Variants in DDX39B observed in about 807,000 individuals in gnomAD.
DDX39B encodes the protein spliceosome RNA helicase DDX39B.
In DDX39B, 6 loss-of-function variants were observed where a neutral mutation model predicts 46.4. That is an observed-to-expected ratio of 0.13 (90% CI 0.07 to 0.26). The LOEUF (loss-of-function observed/expected upper bound fraction) is 0.26, where lower values mean the gene tolerates loss of function less well. Among genes scored for constraint, DDX39B ranks in the 10% least tolerant of loss-of-function variants. DDX39B has a pLI of 1.00. For synonymous variants in DDX39B, 174 were observed against 199.4 expected, an observed-to-expected ratio of 0.87 and a Z score of 1.07; for missense variants, 185 against 553.4, an observed-to-expected ratio of 0.33 and a Z score of 6.68.
In DDX39B at chr6:31,532,641, C is replaced by T. The variant is rs3210766; in HGVS notation, c.867+139G>A. 7.2e-6 allele frequency: 8 copies of T among 1,118,388 alleles called. No individual in the cohort carries two copies. In the African/African-American group the frequency reaches 9.4e-5, roughly 13 times the overall value. The allele number at this position is 1,118,388 out of a possible 1,614,324, so 69.3% of individuals were successfully genotyped here. A position where few individuals can be genotyped will look rare whatever the true frequency, so the allele number is the denominator to read the frequency against. On this transcript the variant is annotated intron_variant, in intron 7 of 10. Transcript: ENST00000396172. ...CAGCTCCCACCTTACTCATGCTCAG[C>T]CCCTAAGATATTTATACCCTCATTA...
Position 31,534,827 on chromosome 6 carries a change from G to A in DDX39B, c.735+540C>T. 1 of 275,340 alleles carries A rather than the reference G, an allele frequency of 3.6e-6. No individual in the cohort carries two copies. Among genetic ancestry groups the A allele is most frequent in the Non-Finnish European group, 7.2e-6 (1 of 137,996 alleles). The allele number at this position is 275,340 out of a possible 1,614,324, so 17.1% of individuals were successfully genotyped here. Reference sequence around the variant, plus strand: ...GTGGGTGGGAAGGAGTAGGGTATCGGGGATTGAGGTGCCAAAGGCCCCCAC... The same window carrying A: ...GTGGGTGGGAAGGAGTAGGGTATCGAGGATTGAGGTGCCAAAGGCCCCCAC... On this transcript the variant is annotated intron_variant, in intron 6 of 10. Coordinates refer to ENST00000396172, the MANE Select transcript of DDX39B (RefSeq NM_004640.7). The surrounding 1 kb of genome is among the most constrained non-coding windows in gnomAD (Gnocchi z 5.1).
intron 2 of DDX39B, among the ~76,000 whole-genome samples, 193 bp downstream of exon 2, chr6:31,540,129 C>T (rs1460946673): frequency 2.0e-5 from 3 of 152,184 alleles, no homozygotes; most frequent in Admixed American, 6.5e-5. Flanking sequence ...TTCTCTTGCA[C>T]TTTTGAGCTC....
Position 31,534,863 on chromosome 6 carries a change from G to A in DDX39B, c.735+504C>T, listed in dbSNP as rs377398820. On this transcript the variant is annotated intron_variant, in intron 6 of 10. Coordinates refer to ENST00000396172, the MANE Select transcript of DDX39B (RefSeq NM_004640.7). This position sits in a 1 kb window ranked among gnomAD's most constrained non-coding sequence, Gnocchi z 5.1. Reference sequence around the variant, plus strand: ...GCCAAAGGCCCCCACCCCTGGAGGTGGGGAAGGGGAGGATTCATTTGTGCT... The same window carrying A: ...GCCAAAGGCCCCCACCCCTGGAGGTAGGGAAGGGGAGGATTCATTTGTGCT... The A allele has an allele frequency of 1.6e-4, 42 of 265,114 alleles. 1 individual carries two copies. The East Asian group carries it at 3.0e-3, about 19-fold the overall frequency. 16.4% of individuals were successfully genotyped at this position (265,114 alleles called of 1,614,324 possible).
At chr6:31,536,796 A>T (rs1212940354) in intron 4 of DDX39B, 113 bp from the exon 5 acceptor site, 1 of 1,379,250 alleles carries the variant, frequency 7.3e-7, no homozygotes, top group Non-Finnish European at 9.7e-7. Context: ...CCAAACTAAA[A>T]CTAACTTTAG....
rs1129640 is a variant in DDX39B at position 31,538,847 on chromosome 6, T to C, written c.348A>G (p.Val116=). 0.83 allele frequency: 1,336,218 copies of C among 1,613,368 alleles called. 555,011 individuals are homozygous for C. Among genetic ancestry groups the C allele is most frequent in the South Asian group, 0.93 (84,332 of 91,074 alleles). ...QLEPVTGQVS[V]LVMCHTRELA... is the part of the protein sequence containing the mutation. ...ACTCCCGAGTGTGACACATCACCAG[T>C]ACAGACACCTTAGGCAGGAAGTAGA... Residue 116 remains valine (V), a synonymous_variant, in exon 4 of 11, where the codon GTA becomes GTG. Transcript: ENST00000396172.
intron 1 of DDX39B, chr6:31,541,158 G>A: frequency 1.9e-6 from 1 of 533,618 alleles, no homozygotes; most frequent in Admixed American, 1.9e-5. Flanking sequence ...CTCACCTTTC[G>A]AAAAGAAAAC....
intron 7 of DDX39B, chr6:31,532,453 T>C (rs1212281797): frequency 4.3e-6 from 1 of 231,524 alleles, no homozygotes; most frequent in South Asian, 5.7e-5. Context: ...TTGCCCCGAC[T>C]GGTCTCAAAC....
intron 4 of DDX39B, among the ~76,000 whole-genome samples, chr6:31,538,063 ATAAC>A (rs1276764788): frequency 2.6e-5 from 4 of 152,176 alleles, no homozygotes; most frequent in African/African-American, 4.8e-5. Context: ...ATAAAATAAA[ATAAC>A]TAACATAAGT....
At position 31,530,427 on chromosome 6, in the gene DDX39B, G is replaced by A. The variant is rs757036275; in HGVS notation, c.*7C>T. 20 of 1,612,588 alleles carry A rather than the reference G, an allele frequency of 1.2e-5. No individual in the cohort carries two copies. The highest frequency in any genetic ancestry group is 1.7e-5 in the Admixed American group (1 of 59,980). The stretch of plus-strand genomic sequence containing the variant: ...CAGACGGTCACATTCCAAAATGGGC[G>A]AGTCTTCTACCGTGTCTGTTCAACT... On this transcript the variant is annotated 3_prime_UTR_variant, in exon 11 of 11. Coordinates refer to ENST00000396172, the MANE Select transcript of DDX39B (RefSeq NM_004640.7). The surrounding 1 kb of genome is among the most constrained non-coding windows in gnomAD (Gnocchi z 4.5).
chr6:31,539,142 T>C lies in DDX39B; in HGVS notation c.339+5A>G, dbSNP rs773967863. 1.1e-5 allele frequency: 17 copies of C among 1,613,160 alleles called. No homozygotes were observed. The South Asian group carries it at 1.1e-4, about 10-fold the overall frequency. ...TCCCCTCCCCAGCACTCTCCCCAAA[T>C]ATACCTGCCCAGTAACTGGCTCCAG... On this transcript the variant is annotated splice_donor_5th_base_variant and intron_variant, in intron 3 of 10. Coordinates refer to ENST00000396172, the MANE Select transcript of DDX39B (RefSeq NM_004640.7).
chr6:31,538,960 T>C, intron 3 of DDX39B, 105 bp from the exon 4 acceptor site: 1 of 1,482,080 alleles, frequency 6.7e-7, no homozygotes, highest in Non-Finnish European at 9.4e-7. Context: ...AATAAATGAC[T>C]TCAATTATGT....
intron 4 of DDX39B, among the ~76,000 whole-genome samples, chr6:31,536,998 T>C (rs2150338494): frequency 6.6e-6 from 1 of 152,292 alleles, no homozygotes; most frequent in South Asian, 2.1e-4. Flanking sequence ...CACACGCCTA[T>C]AATTCCAGCT....
intron 4 of DDX39B, among the ~76,000 whole-genome samples, chr6:31,537,627 G>A (rs1327090628): frequency 6.6e-6 from 1 of 152,190 alleles, no homozygotes; most frequent in African/African-American, 2.4e-5. Flanking sequence ...GTTGTTTGGG[G>A]ATCTGGGCCT....
At chr6:31,541,527 T>C in intron 1 of DDX39B, 1 of 407,882 alleles carries the variant, frequency 2.5e-6, no homozygotes. Flanking sequence ...GTGAGAAAAA[T>C]CCAACTGGGC....
At chr6:31,539,667 C>CAAAATGAAGT (rs1303862148) in intron 2 of DDX39B, among the ~76,000 whole-genome samples, 1 of 152,196 alleles carries the variant, frequency 6.6e-6, no homozygotes, top group Admixed American at 6.5e-5. Flanking sequence ...GTAACTACTA[C>CAAAATGAAGT]AACCCTGGAC....
At chr6:31,532,230 C>T (rs1767249198) in intron 7 of DDX39B, among the ~76,000 whole-genome samples, 1 of 152,192 alleles carries the variant, frequency 6.6e-6, no homozygotes, top group African/African-American at 2.4e-5. Flanking sequence ...CTTTTAACAA[C>T]TTCCTAAAAT....
rs974381756 is a variant in DDX39B at position 31,540,671 on chromosome 6, G to A, written c.-132-7C>T. The A allele has an allele frequency of 7.3e-6, 5 of 684,518 alleles. No homozygotes were observed. The highest frequency in any genetic ancestry group is 3.2e-5 in the African/African-American group (1 of 31,278). The allele number at this position is 684,518 out of a possible 1,614,324, so 42.4% of individuals were successfully genotyped here. A position where few individuals can be genotyped will look rare whatever the true frequency, so the allele number is the denominator to read the frequency against. ...ACTATTTCTAACAGAAGAGCTGGAG[G>A]GGGGAAAAAAAAAAGCAAGACTTAA... On this transcript the variant is annotated splice_region_variant and splice_polypyrimidine_tract_variant and intron_variant, in intron 1 of 10. Transcript: ENST00000396172.
chr6:31,541,171 C>G (rs763948085), intron 1 of DDX39B: 2 of 533,662 alleles, frequency 3.7e-6, no homozygotes, highest in Admixed American at 3.9e-5. Context: ...AAGAAAACAT[C>G]ATATGGCCGC....
Position 31,541,967 on chromosome 6 carries a change from G to A in DDX39B, c.-150C>T, listed in dbSNP as rs1222041027. On this transcript the variant is annotated 5_prime_UTR_variant, in exon 1 of 11. The change creates a new upstream start codon in the 5' untranslated region. Transcript: ENST00000396172. ...AAGCTTACCTAAACAGGGAGAGCGC[G>A]TATGGCGGCAGCAACAGCGACGAAG... 3 of 673,850 alleles carry A rather than the reference G, an allele frequency of 4.5e-6. No individual in the cohort carries two copies. Among genetic ancestry groups the A allele is most frequent in the South Asian group, 3.0e-5 (2 of 66,204 alleles). The allele number at this position is 673,850 out of a possible 1,614,324, so 41.7% of individuals were successfully genotyped here. A position where few individuals can be genotyped will look rare whatever the true frequency, so the allele number is the denominator to read the frequency against.
Sources: allele counts gnomAD v4.1 joint callset (sites outside exome capture counted in the v4.1 genomes callset), GRCh38; gene constraint gnomAD v4.1.1; non-coding constraint Gnocchi (gnomAD v3.1); transcripts MANE v1.5; gene names NCBI Gene and HGNC (gene_info 2026-07-23, HGNC 2026-07-21).